The following GAREM1 variants were observed in gnomAD, a reference collection of about 807,000 sequenced individuals.
The protein encoded by GAREM1 is GRB2 associated regulator of MAPK1 subtype 1.
GAREM1 carries 26 observed loss-of-function variants against 71.3 expected under a neutral mutation model. The observed-to-expected ratio is 0.36, with a 90% CI of 0.27 to 0.51. GAREM1 has a LOEUF of 0.51. Ranked by LOEUF, GAREM1 falls within the 20% of genes least tolerant of loss-of-function variation. GAREM1 has a pLI of 0.95. For synonymous variants in GAREM1, 440 were observed against 433.2 expected (o/e 1.02, Z -0.20); for missense variants, 1,026 against 1,103.1 (o/e 0.93, Z 0.99).
At chr18:32,467,558 T>C (rs1396607653) in intron 1 of GAREM1, among the ~76,000 whole-genome samples, 1 of 152,204 alleles carries the variant, frequency 6.6e-6, no homozygotes, top group Non-Finnish European at 1.5e-5. Flanking sequence ...ATACATATTA[T>C]GCATCTAGAA....
chr18:32,423,699 C>A (rs1381376465), intron 1 of GAREM1, among the ~76,000 whole-genome samples: 1 of 152,166 alleles, frequency 6.6e-6, no homozygotes. Flanking sequence ...GTCAGTGAGG[C>A]GCAGAATCTT....
intron 4 of GAREM1, among the ~76,000 whole-genome samples, chr18:32,275,256 G>A (rs560857283): frequency 6.6e-5 from 10 of 152,270 alleles, no homozygotes; most frequent in South Asian, 6.2e-4. Flanking sequence ...CTAAAATGAA[G>A]ATCTAAAGGA....
At chr18:32,337,827 G>A (rs887031487) in intron 2 of GAREM1, among the ~76,000 whole-genome samples, 5 of 152,122 alleles carry the variant, frequency 3.3e-5, no homozygotes, top group Admixed American at 2.0e-4. Flanking sequence ...ATCATCGCCC[G>A]GAGAACTCAG....
intron 2 of GAREM1, among the ~76,000 whole-genome samples, chr18:32,367,317 G>A (rs1355979187): frequency 6.6e-6 from 1 of 152,182 alleles, no homozygotes; most frequent in Non-Finnish European, 1.5e-5. Flanking sequence ...GTATATATAT[G>A]CATGTAGTAA....
rs1215525367 is a variant in GAREM1, at chr18:32,393,054, T to A, written c.122-19A>T. 6.2e-7 allele frequency: 1 copy of A among 1,603,370 alleles called. No individual in the cohort carries two copies. ...CACTCTCCTAGGAAATACAATTTTA[T>A]ATGAGAAACTTAGAATTCATAATCT... On this transcript the variant is annotated intron_variant, in intron 1 of 5. Coordinates refer to ENST00000269209, the MANE Select transcript of GAREM1 (RefSeq NM_001242409.2).
chr18:32,282,951 G>A (rs2046969547), intron 4 of GAREM1, among the ~76,000 whole-genome samples: 1 of 152,144 alleles, frequency 6.6e-6, no homozygotes, highest in South Asian at 2.1e-4. Flanking sequence ...ATGAATAGAG[G>A]CCTGCAATAT....
chr18:32,330,020 G>T (rs144443968), intron 2 of GAREM1, among the ~76,000 whole-genome samples: 195 of 152,132 alleles, frequency 1.3e-3, no homozygotes, highest in African/African-American at 4.6e-3. Context: ...TTGACAAAAA[G>T]AAAATAAATT....
At position 32,265,588 on chromosome 18, in the gene GAREM1, C is replaced by G. The variant is rs2041362161; in HGVS notation, c.*2283G>C. The stretch of plus-strand genomic sequence containing the variant: ...CATAAGTGAATCAAAGGCCACAGTC[C>G]CTGCCCTCAAGGAGTCTCTGCGTTG... On this transcript the variant is annotated 3_prime_UTR_variant, in exon 6 of 6. Coordinates refer to ENST00000269209, the MANE Select transcript of GAREM1 (RefSeq NM_001242409.2). 6.6e-6 allele frequency: 1 copy of G among 152,100 alleles called. No individual in the cohort carries two copies. The highest frequency in any genetic ancestry group is 2.4e-5 in the African/African-American group (1 of 41,408). 9.4% of individuals were successfully genotyped at this position (152,100 alleles called of 1,614,324 possible). A position where few individuals can be genotyped will look rare whatever the true frequency, so the allele number is the denominator to read the frequency against.
intron 1 of GAREM1, among the ~76,000 whole-genome samples, chr18:32,465,247 A>G (rs1319722621): frequency 1.3e-5 from 2 of 152,098 alleles, no homozygotes; most frequent in African/African-American, 4.8e-5. Flanking sequence ...TGGGAAAAAG[A>G]AAAGAAAAGA....
intron 5 of GAREM1, among the ~76,000 whole-genome samples, 174 bp downstream of exon 5, chr18:32,270,043 C>T (rs909331300): frequency 1.3e-5 from 2 of 151,944 alleles, no homozygotes; most frequent in Admixed American, 6.6e-5. Context: ...CATTCTAGCT[C>T]GAAACAAACA....
At chr18:32,367,419 C>G (rs1255964047) in intron 2 of GAREM1, among the ~76,000 whole-genome samples, 1 of 152,172 alleles carries the variant, frequency 6.6e-6, no homozygotes, top group African/African-American at 2.4e-5. Flanking sequence ...AAGACTCAGA[C>G]AAAGCCTCTT....
chr18:32,385,704 GTAAAAGTGCCTCC>G, intron 2 of GAREM1, among the ~76,000 whole-genome samples: 1 of 141,934 alleles, frequency 7.0e-6, no homozygotes, highest in South Asian at 2.2e-4. Context: ...TGACTTCCAA[GTAAAAGTGCCTCC>G]TAGCACTTTC....
At chr18:32,389,575 A>T (rs2048176929) in intron 2 of GAREM1, among the ~76,000 whole-genome samples, 1 of 152,190 alleles carries the variant, frequency 6.6e-6, no homozygotes, top group Non-Finnish European at 1.5e-5. Flanking sequence ...TACTCTGTTA[A>T]ACATTTTAAA....
intron 4 of GAREM1, among the ~76,000 whole-genome samples, chr18:32,284,436 G>A (rs546897357): frequency 6.6e-6 from 1 of 152,292 alleles, no homozygotes; most frequent in African/African-American, 2.4e-5. Flanking sequence ...CAAGGGCAAA[G>A]CTGGACCTCT....
intron 3 of GAREM1, among the ~76,000 whole-genome samples, chr18:32,299,995 G>A (rs1413476049): frequency 6.6e-6 from 1 of 152,092 alleles, no homozygotes; most frequent in Non-Finnish European, 1.5e-5. Context: ...ATCTCAAGTG[G>A]GGCTGAGTGC....
chr18:32,317,287 C>T (rs2047387837), intron 2 of GAREM1, among the ~76,000 whole-genome samples: 1 of 151,862 alleles, frequency 6.6e-6, no homozygotes, highest in Non-Finnish European at 1.5e-5. Flanking sequence ...TGCTTGTGAT[C>T]CCAGCTACTT....
chr18:32,287,507 C>G lies in GAREM1; in HGVS notation c.1090G>C (p.Gly364Arg), dbSNP rs770985123. Residue 364 changes from glycine to arginine, a missense_variant, in exon 4 of 6, where the codon GGC becomes CGC. Coordinates refer to ENST00000269209, the MANE Select transcript of GAREM1 (RefSeq NM_001242409.2). The surrounding 1 kb of genome is among the most constrained non-coding windows in gnomAD (Gnocchi z 5.9). ...CKSPKKGRCS[G>R]HNHVPNSLSY... Reference sequence around the variant, plus strand: ...AGCGAATTGGGCACGTGGTTGTGGCCAGAGCACCGACCCTTCTTGGGGCTC... The same window carrying G: ...AGCGAATTGGGCACGTGGTTGTGGCGAGAGCACCGACCCTTCTTGGGGCTC... 1.9e-6 allele frequency: 3 copies of G among 1,614,164 alleles called. No individual in the cohort carries two copies. The highest frequency in any genetic ancestry group is 3.3e-5 in the Admixed American group (2 of 60,022).
intron 2 of GAREM1, among the ~76,000 whole-genome samples, chr18:32,350,929 GT>G (rs1418325019): frequency 6.6e-6 from 1 of 152,094 alleles, no homozygotes; most frequent in Non-Finnish European, 1.5e-5. Context: ...AATACAGTAT[GT>G]TTTTAAATGG....
At chr18:32,288,285 T>C (rs2047047765) in intron 3 of GAREM1, 82 bp from the exon 4 acceptor site, 1 of 1,106,922 alleles carries the variant, frequency 9.0e-7, no homozygotes, top group Non-Finnish European at 1.3e-6. Context: ...CACACACAAA[T>C]ACACACACAG....
Sources: gnomAD v4.1 joint callset for allele counts (sites outside exome capture counted in the v4.1 genomes callset) on GRCh38, gnomAD v4.1.1 for gene constraint, Gnocchi (gnomAD v3.1) non-coding constraint, MANE v1.5 for transcripts, NCBI Gene and HGNC (gene_info 2026-07-23, HGNC 2026-07-21) for gene names.